ANO2: variants seen among roughly 807,000 people sequenced by gnomAD.
The protein encoded by ANO2 is anoctamin 2.
Under a neutral mutation model 124.2 loss-of-function variants are expected in ANO2, and 101 were observed. That is an observed-to-expected ratio of 0.81 (90% CI 0.69 to 0.96). The LOEUF is 0.96. Among genes scored for constraint, ANO2 ranks in the 40% least tolerant of loss-of-function variants. The pLI is 0.00. For synonymous variants in ANO2, 486 were observed against 482.5 expected, an observed-to-expected ratio of 1.01 and a Z score of -0.09; for missense variants, 1,293 against 1,274.5, an observed-to-expected ratio of 1.01 and a Z score of -0.22.
At chr12:5,781,997 T>C (rs1242302884) in intron 10 of ANO2, among the ~76,000 whole-genome samples, 1 of 152,256 alleles carries the variant, frequency 6.6e-6, no homozygotes, top group African/African-American at 2.4e-5. Flanking sequence ...AAGTCTACTA[T>C]ATTCTTACTG....
intron 14 of ANO2, among the ~76,000 whole-genome samples, chr12:5,657,837 C>A (rs1947238541): frequency 6.6e-6 from 1 of 152,062 alleles, no homozygotes; most frequent in African/African-American, 2.4e-5. Context: ...TGTTCAAGGG[C>A]AGAGAGGGGA....
At chr12:5,775,031 T>C (rs1225444857) in intron 10 of ANO2, among the ~76,000 whole-genome samples, 1 of 152,198 alleles carries the variant, frequency 6.6e-6, no homozygotes, top group East Asian at 1.9e-4. Context: ...TCAGAAATTA[T>C]TCCCCCAATT....
intron 13 of ANO2, among the ~76,000 whole-genome samples, chr12:5,734,852 G>A (rs1028301255): frequency 6.6e-6 from 1 of 152,264 alleles, no homozygotes; most frequent in Middle Eastern, 3.4e-3. Flanking sequence ...GTTTCACCAT[G>A]TTGACCAAGC....
intron 14 of ANO2, among the ~76,000 whole-genome samples, chr12:5,727,423 T>G (rs900639644): frequency 1.3e-5 from 2 of 151,988 alleles, no homozygotes; most frequent in Non-Finnish European, 2.9e-5. Flanking sequence ...TAAACCTCTC[T>G]TTTTTAATAA....
At chr12:5,863,836 TTAAA>T (rs1291373006) in intron 3 of ANO2, among the ~76,000 whole-genome samples, 3 of 152,196 alleles carry the variant, frequency 2.0e-5, no homozygotes, top group Non-Finnish European at 4.4e-5. Flanking sequence ...ATGTTTTATG[TTAAA>T]TAAACATTAT....
At chr12:5,614,356 T>C (rs1004830252) in intron 17 of ANO2, among the ~76,000 whole-genome samples, 1 of 152,186 alleles carries the variant, frequency 6.6e-6, no homozygotes, top group Admixed American at 6.5e-5. Context: ...GGGCAGGCCA[T>C]GCCAGAAAGA....
chr12:5,640,703 A>G (rs1456380649), intron 15 of ANO2, among the ~76,000 whole-genome samples: 1 of 152,222 alleles, frequency 6.6e-6, no homozygotes, highest in Non-Finnish European at 1.5e-5. Context: ...TAGAATGGCA[A>G]TCATTAAAAG....
intron 14 of ANO2, among the ~76,000 whole-genome samples, chr12:5,717,178 G>A (rs1950053932): frequency 6.6e-6 from 1 of 152,254 alleles, no homozygotes; most frequent in African/African-American, 2.4e-5. Context: ...TGAAGAGTAT[G>A]TGGGAACTGT....
At chr12:5,813,000 AAGAAAGAAAGAGAG>A (rs1953480315) in intron 7 of ANO2, among the ~76,000 whole-genome samples, 1 of 2,738 alleles carries the variant, frequency 3.7e-4, no homozygotes, top group Non-Finnish European at 5.1e-3. Context: ...GCAAACAAGC[AAGAAAGAAAGAGAG>A]AGAAAGAAAA....
intron 4 of ANO2, among the ~76,000 whole-genome samples, chr12:5,851,578 G>A (rs565262287): frequency 2.6e-5 from 4 of 151,978 alleles, no homozygotes; most frequent in South Asian, 2.1e-4. Flanking sequence ...CCAGCTAATC[G>A]GGAAGTTGAG....
chr12:5,605,476 C>T (rs1483379439), intron 19 of ANO2, among the ~76,000 whole-genome samples: 3 of 152,124 alleles, frequency 2.0e-5, no homozygotes, highest in Non-Finnish European at 2.9e-5. Context: ...ACATTTTGAC[C>T]GTGGCAGTAT....
chr12:5,615,531 C>T (rs1944759657), intron 16 of ANO2, among the ~76,000 whole-genome samples: 1 of 152,148 alleles, frequency 6.6e-6, no homozygotes, highest in Admixed American at 6.5e-5. Flanking sequence ...TCTCCGTCCA[C>T]CTTCCTCCTC....
chr12:5,770,618 A>C (rs1952049590), intron 10 of ANO2, among the ~76,000 whole-genome samples: 1 of 151,944 alleles, frequency 6.6e-6, no homozygotes, highest in Admixed American at 6.6e-5. Flanking sequence ...CACCACCAAT[A>C]CCCTGGCCAA....
chr12:5,937,258 G>C (rs929346791), intron 1 of ANO2, among the ~76,000 whole-genome samples: 1 of 152,150 alleles, frequency 6.6e-6, no homozygotes, highest in South Asian at 2.1e-4. Flanking sequence ...TATCCTAACA[G>C]GTATGCGATG....
At chr12:5,698,536 T>C (rs781104401) in intron 14 of ANO2, among the ~76,000 whole-genome samples, 89 of 152,104 alleles carry the variant, frequency 5.9e-4, no homozygotes, top group Non-Finnish European at 1.1e-3. Flanking sequence ...AAAATCAGAG[T>C]ACCTCTTCTC....
chr12:5,594,236 G>A (rs1235751172), intron 20 of ANO2, among the ~76,000 whole-genome samples: 1 of 152,160 alleles, frequency 6.6e-6, no homozygotes, highest in Admixed American at 6.5e-5. Context: ...TCAAGAGACT[G>A]TCCTGGTCTC....
chr12:5,700,404 C>T (rs1949354786), intron 14 of ANO2, among the ~76,000 whole-genome samples: 1 of 152,090 alleles, frequency 6.6e-6, no homozygotes. Flanking sequence ...AGAACAAAGA[C>T]ACAACATACC....
intron 14 of ANO2, among the ~76,000 whole-genome samples, chr12:5,677,045 C>G (rs546164608): frequency 6.6e-6 from 1 of 151,572 alleles, no homozygotes; most frequent in African/African-American, 2.4e-5. Flanking sequence ...CAGAGTAAGA[C>G]TCTGTCTCAA....
At chr12:5,659,434 G>A (rs1348610098) in intron 14 of ANO2, among the ~76,000 whole-genome samples, 5 of 152,196 alleles carry the variant, frequency 3.3e-5, no homozygotes, top group East Asian at 3.9e-4. Context: ...CCTCAGCCCC[G>A]TGGACTCACC....
Sources: gnomAD v4.1 joint callset for allele counts (sites outside exome capture counted in the v4.1 genomes callset) on GRCh38, gnomAD v4.1.1 for gene constraint, MANE v1.5 for transcripts, NCBI Gene and HGNC (gene_info 2026-07-23, HGNC 2026-07-21) for gene names.